Variants in SLC35F3 observed in about 807,000 individuals in gnomAD.
SLC35F3 encodes putative thiamine transporter SLC35F3.
SLC35F3 carries 25 observed loss-of-function variants against 49.9 expected under a neutral mutation model. That is an observed-to-expected ratio of 0.50 (90% CI 0.37 to 0.70). The LOEUF is 0.70. SLC35F3 is among the 30% of genes least tolerant of loss of function. SLC35F3 has a pLI of 0.00. For missense variants in SLC35F3, 525 were observed against 639.8 expected (o/e 0.82, Z 1.94); for synonymous variants, 275 against 265.4 (o/e 1.04, Z -0.35).
At chr1:233,935,753 A>G (rs1290508183) in intron 2 of SLC35F3, among the ~76,000 whole-genome samples, 3 of 152,254 alleles carry the variant, frequency 2.0e-5, no homozygotes, top group African/African-American at 4.8e-5. Flanking sequence ...CCCGAGTGCA[A>G]GCTTCCCTGT....
chr1:234,173,812 A>G (rs539839471), intron 2 of SLC35F3, among the ~76,000 whole-genome samples: 2 of 152,324 alleles, frequency 1.3e-5, no homozygotes, highest in South Asian at 4.1e-4. Context: ...AGAGAAGGGA[A>G]GCATTGCCTT....
At chr1:234,146,481 C>CTTTTTTTTTTTTTTTTTTTG (rs1665997632) in intron 2 of SLC35F3, among the ~76,000 whole-genome samples, 1 of 74,050 alleles carries the variant, frequency 1.4e-5, no homozygotes. Context: ...GATATTTGCT[C>CTTTTTTTTTTTTTTTTTTTG]TTTTTTTTTT....
chr1:234,103,951 G>A (rs1665248062), intron 2 of SLC35F3, among the ~76,000 whole-genome samples: 1 of 152,172 alleles, frequency 6.6e-6, no homozygotes, highest in African/African-American at 2.4e-5. Context: ...AAATAGAGAA[G>A]TTCCAGCAGC....
intron 2 of SLC35F3, among the ~76,000 whole-genome samples, chr1:233,970,835 G>C (rs1243080574): frequency 6.6e-6 from 1 of 152,198 alleles, no homozygotes; most frequent in Non-Finnish European, 1.5e-5. Context: ...AGCAGTGTGA[G>C]AGCATACATT....
At chr1:233,927,149 C>A (rs893605299) in intron 2 of SLC35F3, among the ~76,000 whole-genome samples, 1 of 152,100 alleles carries the variant, frequency 6.6e-6, no homozygotes, top group African/African-American at 2.4e-5. Flanking sequence ...GTTTATTCAT[C>A]CATTTACCAC....
chr1:234,031,244 C>T (rs985761030), intron 2 of SLC35F3, among the ~76,000 whole-genome samples: 4 of 152,212 alleles, frequency 2.6e-5, no homozygotes, highest in Non-Finnish European at 5.9e-5. Flanking sequence ...TCAGCAAAAA[C>T]CCACTGTGTT....
chr1:234,072,993 T>C (rs962235907), intron 2 of SLC35F3, among the ~76,000 whole-genome samples: 4 of 152,038 alleles, frequency 2.6e-5, no homozygotes, highest in African/African-American at 9.7e-5. Flanking sequence ...CTGGCGAGGG[T>C]GTTTGTGATA....
intron 2 of SLC35F3, among the ~76,000 whole-genome samples, chr1:234,227,361 T>G (rs1171842277): frequency 6.6e-6 from 1 of 151,568 alleles, no homozygotes; most frequent in African/African-American, 2.4e-5. Context: ...AATTTTGGCA[T>G]CGATTTCCTT....
chr1:234,153,541 T>G (rs1176632148), intron 2 of SLC35F3, among the ~76,000 whole-genome samples: 1 of 152,158 alleles, frequency 6.6e-6, no homozygotes, highest in Non-Finnish European at 1.5e-5. Flanking sequence ...GGTGGTAGTA[T>G]TAGGGGTGTT....
At chr1:233,979,584 A>G (rs1227366186) in intron 2 of SLC35F3, among the ~76,000 whole-genome samples, 1 of 152,136 alleles carries the variant, frequency 6.6e-6, no homozygotes, top group Non-Finnish European at 1.5e-5. Flanking sequence ...TTGCCTCGTC[A>G]TTGGATAGGT....
chr1:233,947,621 A>G (rs1662533219), intron 2 of SLC35F3, among the ~76,000 whole-genome samples: 1 of 150,892 alleles, frequency 6.6e-6, no homozygotes, highest in South Asian at 2.1e-4. Context: ...AAATTATCTA[A>G]AAAACAGGGC....
intron 2 of SLC35F3, among the ~76,000 whole-genome samples, chr1:234,090,328 G>A (rs1295598939): frequency 6.6e-6 from 1 of 152,278 alleles, no homozygotes. Context: ...GATACTACGG[G>A]AAGGTGCACA....
At chr1:234,129,981 A>G (rs947130170) in intron 2 of SLC35F3, among the ~76,000 whole-genome samples, 1 of 152,236 alleles carries the variant, frequency 6.6e-6, no homozygotes, top group Non-Finnish European at 1.5e-5. Context: ...ATAAGAAAAT[A>G]TCTTTAATCT....
chr1:234,036,521 A>G (rs186751543), intron 2 of SLC35F3, among the ~76,000 whole-genome samples: 2 of 152,348 alleles, frequency 1.3e-5, no homozygotes, highest in East Asian at 3.9e-4. Context: ...GAGCTATAGT[A>G]TCAGCATCTG....
In SLC35F3 at chr1:234,261,345, T is replaced by C. The variant is rs182007268; in HGVS notation, c.608+29604T>C. 9.2e-4 allele frequency among the ~76,000 whole-genome samples: 140 copies of C among 152,296 alleles called. 1 individual carries two copies. The highest frequency in any genetic ancestry group is 1.7e-3 in the Non-Finnish European group (119 of 68,018). ...AAACAAGGGGTGGTTTATTTGAGTTTTCTGGGAAAGGGGCAGGGAATTCCT... is the reference window on the plus strand; with the variant it reads ...AAACAAGGGGTGGTTTATTTGAGTTCTCTGGGAAAGGGGCAGGGAATTCCT... On this transcript the variant is annotated intron_variant, in intron 3 of 7. Transcript: ENST00000366618.
intron 2 of SLC35F3, among the ~76,000 whole-genome samples, chr1:233,911,211 G>A (rs1661868754): frequency 1.3e-5 from 2 of 152,156 alleles, no homozygotes; most frequent in Non-Finnish European, 2.9e-5. Context: ...AGATACCGGT[G>A]CTAAATGGAA....
intron 2 of SLC35F3, among the ~76,000 whole-genome samples, chr1:234,025,977 T>C (rs141934413): frequency 1.3e-4 from 20 of 152,308 alleles, no homozygotes; most frequent in Admixed American, 1.1e-3. Flanking sequence ...GTGAGTTAAT[T>C]TGAGGTGAAA....
intron 2 of SLC35F3, among the ~76,000 whole-genome samples, chr1:233,974,476 C>T (rs1483095849): frequency 2.0e-5 from 3 of 152,200 alleles, no homozygotes; most frequent in African/African-American, 4.8e-5. Context: ...CCACCGTGCC[C>T]GGCCTCTATT....
chr1:233,912,325 A>G (rs1469483475), intron 2 of SLC35F3, among the ~76,000 whole-genome samples: 2 of 152,074 alleles, frequency 1.3e-5, no homozygotes, highest in Admixed American at 6.5e-5. Flanking sequence ...TAAAAATACA[A>G]AAATTAGACC....
Sources: gnomAD v4.1 joint callset for allele counts (sites outside exome capture counted in the v4.1 genomes callset) on GRCh38, gnomAD v4.1.1 for gene constraint, MANE v1.5 for transcripts, NCBI Gene and HGNC (gene_info 2026-07-23, HGNC 2026-07-21) for gene names.